MYOF: variants seen among roughly 807,000 people sequenced by gnomAD.
MYOF encodes the protein fer-1-like 3, myoferlin.
MYOF carries 244 observed loss-of-function variants against 284.2 expected under a neutral mutation model. The observed-to-expected ratio is 0.86, with a 90% CI of 0.77 to 0.95. The LOEUF (loss-of-function observed/expected upper bound fraction) is 0.95. Among genes scored for constraint, MYOF ranks in the 40% least tolerant of loss-of-function variants. The pLI is 0.00. For synonymous variants in MYOF, 904 were observed against 919.7 expected, an observed-to-expected ratio of 0.98 and a Z score of 0.31; for missense variants, 2,496 against 2,560.6, an observed-to-expected ratio of 0.97 and a Z score of 0.54.
chr10:93,364,105 A>G (rs1316092677), intron 26 of MYOF, 30 bp from the exon 27 acceptor site: 35 of 1,589,804 alleles, frequency 2.2e-5, no homozygotes, highest in Non-Finnish European at 2.8e-5. Context: ...CAAGTTACCC[A>G]AGGAGACCGG....
At chr10:93,412,321 G>A (rs537170880) in intron 5 of MYOF, among the ~76,000 whole-genome samples, 50 of 152,234 alleles carry the variant, frequency 3.3e-4, no homozygotes, top group African/African-American at 1.1e-3. Flanking sequence ...TCAAAGATAA[G>A]GAATCTTTGT....
At chr10:93,473,643 T>G (rs1238934806) in intron 1 of MYOF, among the ~76,000 whole-genome samples, 1 of 152,174 alleles carries the variant, frequency 6.6e-6, no homozygotes, top group Non-Finnish European at 1.5e-5. Context: ...TCTTGTGAGG[T>G]CTGTGATCTG....
chr10:93,336,709 G>C (rs79596908), intron 40 of MYOF, among the ~76,000 whole-genome samples: 1 of 151,816 alleles, frequency 6.6e-6, no homozygotes, highest in African/African-American at 2.4e-5. Context: ...TCACTTTATC[G>C]TATGTAAAAT....
intron 2 of MYOF, among the ~76,000 whole-genome samples, chr10:93,455,526 G>T (rs1325053584): frequency 2.6e-5 from 4 of 151,954 alleles, no homozygotes; most frequent in South Asian, 4.2e-4. Flanking sequence ...CAATTAGTTG[G>T]GTGTGGTGCA....
intron 35 of MYOF, among the ~76,000 whole-genome samples, chr10:93,350,521 C>A (rs117757845): frequency 6.6e-6 from 1 of 152,094 alleles, no homozygotes. Flanking sequence ...CCATGTTGAC[C>A]GGGTTGGCCT....
chr10:93,325,972 T>C lies in MYOF; in HGVS notation c.5132-7A>G. On this transcript the variant is annotated splice_polypyrimidine_tract_variant and splice_region_variant and intron_variant, in intron 45 of 53. Transcript: ENST00000359263. Reference sequence around the variant, plus strand: ...TGCAGGATTTTGTTGGCTTCTGCAATGGAAAGCAGCATTGAAGCAGGAATG... The same window carrying C: ...TGCAGGATTTTGTTGGCTTCTGCAACGGAAAGCAGCATTGAAGCAGGAATG... The C allele has an allele frequency of 6.2e-7, 1 of 1,613,990 alleles. No individual in the cohort carries two copies. The highest frequency in any genetic ancestry group is 1.3e-5 in the African/African-American group (1 of 75,034).
intron 53 of MYOF, among the ~76,000 whole-genome samples, chr10:93,308,161 T>G (rs920592136): frequency 6.6e-6 from 1 of 151,202 alleles, no homozygotes; most frequent in African/African-American, 2.4e-5. Context: ...GAGAATCGCT[T>G]GAACCTGTGA....
intron 2 of MYOF, 64 bp from the exon 3 acceptor site, chr10:93,452,205 A>C: frequency 1.0e-6 from 1 of 968,728 alleles, no homozygotes; most frequent in African/African-American, 1.6e-5. Context: ...CAGAGATTAC[A>C]CTAAGATGCA....
intron 5 of MYOF, among the ~76,000 whole-genome samples, chr10:93,425,331 T>C (rs982376271): frequency 6.6e-6 from 1 of 152,050 alleles, no homozygotes. Flanking sequence ...GCCTTGGTCA[T>C]GCATCTTACG....
At chr10:93,366,301 A>G (rs1845322848) in intron 26 of MYOF, 91 bp downstream of exon 26, 6 of 1,370,246 alleles carry the variant, frequency 4.4e-6, no homozygotes, top group Middle Eastern at 1.8e-4. Context: ...CATAACTATT[A>G]TCAAGATGAT....
At chr10:93,455,654 C>T (rs2056728228) in intron 2 of MYOF, among the ~76,000 whole-genome samples, 1 of 152,092 alleles carries the variant, frequency 6.6e-6, no homozygotes, top group African/African-American at 2.4e-5. Context: ...GAGACCCTAT[C>T]TCAAAAACAA....
chr10:93,342,005 A>G, intron 38 of MYOF: 2 of 1,258,336 alleles, frequency 1.6e-6, no homozygotes, highest in Non-Finnish European at 2.1e-6. Flanking sequence ...ATGGCCATGT[A>G]CACATGTCCA....
In MYOF at chr10:93,446,528, G is replaced by T. The variant is rs145312540; in HGVS notation, c.236+5522C>A. 4.4e-3 allele frequency among the ~76,000 whole-genome samples: 675 copies of T among 152,214 alleles called. 4 individuals are homozygous for T. Among genetic ancestry groups the T allele is most frequent in the African/African-American group, 0.016 (650 of 41,524 alleles). On this transcript the variant is annotated intron_variant, in intron 3 of 53. Transcript: ENST00000359263. ...GAAGATGCAGGGTGTGGCTCAGAGGGCAGGCCTCAGCGGGTACCACAGTGG... is the reference window on the plus strand; with the variant it reads ...GAAGATGCAGGGTGTGGCTCAGAGGTCAGGCCTCAGCGGGTACCACAGTGG...
chr10:93,465,297 G>A (rs977527130), intron 1 of MYOF, among the ~76,000 whole-genome samples: 8 of 152,264 alleles, frequency 5.3e-5, no homozygotes, highest in Non-Finnish European at 7.4e-5. Context: ...CTGAGACTAT[G>A]TATTATTAAT....
At chr10:93,477,284 G>T (rs1207378687) in intron 1 of MYOF, among the ~76,000 whole-genome samples, 1 of 151,904 alleles carries the variant, frequency 6.6e-6, no homozygotes, top group Admixed American at 6.6e-5. Context: ...CTGAGGTCAG[G>T]AGTTCAAGAC....
Position 93,372,985 on chromosome 10 carries a change from C to T in MYOF, c.2402G>A (p.Ser801Asn), listed in dbSNP as rs774943601. The change falls in exon 24 of 54, where the codon AGT becomes AAT. Residue 801 changes from serine (S) to asparagine (N), a missense_variant. Ser to Asn is a conservative substitution (Grantham distance 46, BLOSUM62 1). Around this residue, in one of 3 missense-constraint regions of MYOF, gnomAD observed 2,436 missense variants for 2,480.7 expected, o/e 0.98. Coordinates refer to ENST00000359263, the MANE Select transcript of MYOF (RefSeq NM_013451.4). ...GTATTTTCCAGATGCATTCTCACCACTGGTGGAGTACAAGACCTGATGTGC... is the reference window on the plus strand; with the variant it reads ...GTATTTTCCAGATGCATTCTCACCATTGGTGGAGTACAAGACCTGATGTGC... Reference protein sequence around the residue: ...IPAHQVLYSTSGENASGKYCG... With the variant: ...IPAHQVLYSTNGENASGKYCG... 2 of 1,614,204 alleles carry T rather than the reference C, an allele frequency of 1.2e-6. No individual in the cohort carries two copies. The highest frequency in any genetic ancestry group is 2.2e-5 in the East Asian group (1 of 44,888).
At chr10:93,364,737 A>G (rs1589447343) in intron 26 of MYOF, among the ~76,000 whole-genome samples, 1 of 152,192 alleles carries the variant, frequency 6.6e-6, no homozygotes, top group East Asian at 1.9e-4. Flanking sequence ...CAGAGGCTCC[A>G]ACTTTGACTC....
intron 29 of MYOF, among the ~76,000 whole-genome samples, chr10:93,359,053 C>T (rs1009145521): frequency 3.9e-5 from 6 of 152,112 alleles, no homozygotes; most frequent in Non-Finnish European, 8.8e-5. Context: ...ACTGTGGCTC[C>T]ATCTTTGCTT....
Position 93,374,949 on chromosome 10 carries a change from C to G in MYOF, c.2115G>C (p.Thr705=). ...IDEVIEDTRY[T]LPLTEGKANV... ...TGGCTTTTCCTTCTGTGAGAGGCAA[C>G]GTGTATCTAGAAAAATGAAGAAAAA... is the stretch of plus-strand genomic sequence containing the variant. Residue 705 remains threonine (T), a synonymous_variant, in exon 23 of 54, where the codon ACG becomes ACC. Transcript: ENST00000359263. The G allele has an allele frequency of 6.2e-7, 1 of 1,608,220 alleles. No homozygotes were observed. Among genetic ancestry groups the G allele is most frequent in the Non-Finnish European group, 8.5e-7 (1 of 1,178,400 alleles).
Sources: gnomAD v4.1 joint callset for allele counts (sites outside exome capture counted in the v4.1 genomes callset) on GRCh38, gnomAD v4.1.1 for gene constraint, gnomAD v4.1.1 regional missense constraint, MANE v1.5 for transcripts, NCBI Gene and HGNC (gene_info 2026-07-23, HGNC 2026-07-21) for gene names.